The following GNG12 variants were observed in gnomAD, a reference collection of about 807,000 sequenced individuals.
GNG12 encodes the protein guanine nucleotide-binding protein G(I)/G(S)/G(O) subunit gamma-12.
For synonymous variants in GNG12, 28 were observed against 29.7 expected, an observed-to-expected ratio of 0.94 and a Z score of 0.19; for missense variants, 69 against 83.8, an observed-to-expected ratio of 0.82 and a Z score of 0.69.
intron 2 of GNG12, among the ~76,000 whole-genome samples, chr1:67,758,300 A>C (rs17130241): frequency 0.024 from 3,650 of 152,300 alleles, 160 homozygotes; most frequent in African/African-American, 0.084. Context: ...TATTGCAGCA[A>C]CACATTAGAA....
chr1:67,824,626 ATATAT>A (rs775051396), intron 1 of GNG12, among the ~76,000 whole-genome samples: 15 of 152,150 alleles, frequency 9.9e-5, no homozygotes, highest in African/African-American at 1.4e-4. Flanking sequence ...CTTGAGGATC[ATATAT>A]TATATATTTT....
intron 1 of GNG12, among the ~76,000 whole-genome samples, chr1:67,802,048 G>A (rs1646868941): frequency 6.6e-6 from 1 of 152,138 alleles, no homozygotes; most frequent in East Asian, 1.9e-4. Flanking sequence ...CCTGGGCAGT[G>A]CCAGAGGGAG....
At chr1:67,708,657 AG>A (rs1389713401) in intron 2 of GNG12, among the ~76,000 whole-genome samples, 2 of 152,202 alleles carry the variant, frequency 1.3e-5, no homozygotes, top group Admixed American at 1.3e-4. Context: ...CTGGGGGAAA[AG>A]TGTTGCCTGG....
intron 1 of GNG12, among the ~76,000 whole-genome samples, chr1:67,804,883 G>A (rs1646886324): frequency 1.3e-5 from 2 of 152,116 alleles, no homozygotes; most frequent in African/African-American, 4.8e-5. Context: ...AGCTCTCTCA[G>A]GTCCTCACTG....
intron 1 of GNG12, among the ~76,000 whole-genome samples, chr1:67,820,232 T>A (rs1182941417): frequency 6.6e-6 from 1 of 151,826 alleles, no homozygotes; most frequent in Admixed American, 6.6e-5. Flanking sequence ...CTACTAAAAA[T>A]ACAAAAATTA....
intron 1 of GNG12, among the ~76,000 whole-genome samples, chr1:67,825,075 G>A (rs2100827108): frequency 6.6e-6 from 1 of 152,328 alleles, no homozygotes; most frequent in South Asian, 2.1e-4. Flanking sequence ...CAAGGCATGT[G>A]CTGGAATATT....
chr1:67,733,880 G>A (rs563087065), intron 2 of GNG12, among the ~76,000 whole-genome samples: 20 of 152,298 alleles, frequency 1.3e-4, no homozygotes, highest in Non-Finnish European at 1.8e-4. Context: ...CTGCAGAATC[G>A]TAAGGCCCCT....
chr1:67,723,904 G>T (rs984598802), intron 2 of GNG12, among the ~76,000 whole-genome samples: 2 of 152,194 alleles, frequency 1.3e-5, no homozygotes, highest in African/African-American at 4.8e-5. Context: ...GGAAGTAGAG[G>T]GCAAGAACAG....
At chr1:67,705,725 G>T in intron 3 of GNG12, 149 bp from the exon 4 acceptor site, 1 of 1,343,124 alleles carries the variant, frequency 7.4e-7, no homozygotes, top group Non-Finnish European at 9.6e-7. Flanking sequence ...TTCTTGTCAG[G>T]TATAAAAAGG....
chr1:67,709,326 TC>T (rs1646267512), intron 2 of GNG12, among the ~76,000 whole-genome samples: 2 of 152,126 alleles, frequency 1.3e-5, no homozygotes, highest in Admixed American at 1.3e-4. Flanking sequence ...GTTCTGCACC[TC>T]CCCAACAAGT....
At chr1:67,734,083 C>G (rs1646436935) in intron 2 of GNG12, among the ~76,000 whole-genome samples, 1 of 152,066 alleles carries the variant, frequency 6.6e-6, no homozygotes, top group Non-Finnish European at 1.5e-5. Flanking sequence ...TTTGCAGATT[C>G]TGCCGGGGCC....
chr1:67,759,301 G>A (rs562542076), intron 2 of GNG12, among the ~76,000 whole-genome samples: 26 of 152,250 alleles, frequency 1.7e-4, no homozygotes, highest in Non-Finnish European at 2.4e-4. Flanking sequence ...TGGTTCCTGC[G>A]TAGGCAGTCT....
chr1:67,828,864 T>A (rs1647026443), intron 1 of GNG12, among the ~76,000 whole-genome samples: 1 of 152,208 alleles, frequency 6.6e-6, no homozygotes, highest in Admixed American at 6.5e-5. Flanking sequence ...CGCTAAACAA[T>A]TCTCACTGCA....
At chr1:67,711,405 T>C (rs183541353) in intron 2 of GNG12, among the ~76,000 whole-genome samples, 176 of 150,774 alleles carry the variant, frequency 1.2e-3, no homozygotes, top group African/African-American at 4.3e-3. Context: ...AAAGCTCACA[T>C]AGGATCCTGA....
chr1:67,741,124 AT>A (rs1311669509), intron 2 of GNG12, among the ~76,000 whole-genome samples: 1 of 152,218 alleles, frequency 6.6e-6, no homozygotes, highest in Admixed American at 6.5e-5. Context: ...ACCTCAGTTC[AT>A]TTTTATAAAA....
At chr1:67,802,326 G>GA (rs944747555) in intron 1 of GNG12, among the ~76,000 whole-genome samples, 43 of 152,238 alleles carry the variant, frequency 2.8e-4, no homozygotes, top group African/African-American at 1.0e-3. Context: ...AAAAATGAGA[G>GA]AAAACAGGAT....
intron 2 of GNG12, among the ~76,000 whole-genome samples, chr1:67,720,674 C>T (rs1160483877): frequency 6.6e-6 from 1 of 152,130 alleles, no homozygotes; most frequent in South Asian, 2.1e-4. Context: ...AAAGGCATTA[C>T]TATTATTCAT....
intron 1 of GNG12, among the ~76,000 whole-genome samples, chr1:67,790,674 A>C (rs1202152806): frequency 6.8e-6 from 1 of 146,816 alleles, no homozygotes; most frequent in Admixed American, 7.0e-5. Context: ...CAGTGGCACT[A>C]TCTCGGCTCT....
intron 2 of GNG12, among the ~76,000 whole-genome samples, chr1:67,760,821 T>C (rs554234687): frequency 2.6e-5 from 4 of 152,302 alleles, no homozygotes; most frequent in Non-Finnish European, 5.9e-5. Context: ...TGCAGTCAAA[T>C]AGGAGGGGAA....
Sources: allele counts gnomAD v4.1 joint callset (sites outside exome capture counted in the v4.1 genomes callset), GRCh38; gene constraint gnomAD v4.1.1; transcripts MANE v1.5; gene names NCBI Gene and HGNC (gene_info 2026-07-23, HGNC 2026-07-21).